The following DIAPH3 variants were observed in gnomAD, a reference collection of about 807,000 sequenced individuals.
DIAPH3 encodes diaphanous related formin 3.
Under a neutral mutation model 144.3 loss-of-function variants are expected in DIAPH3, and 117 were observed. The ratio of observed to expected loss-of-function variants is 0.81; its 90% CI spans 0.70 to 0.95. The LOEUF (loss-of-function observed/expected upper bound fraction) is 0.95, where lower values mean the gene tolerates loss of function less well. Ranked by LOEUF, DIAPH3 falls within the 40% of genes least tolerant of loss-of-function variation. The pLI, the probability that DIAPH3 is intolerant of heterozygous loss-of-function variation, is 0.00. For synonymous variants in DIAPH3, 519 were observed against 488.9 expected (o/e 1.06, Z -0.81); for missense variants, 1,421 against 1,412.7 (o/e 1.01, Z -0.09).
chr13:60,035,118 A>G (rs1328605374), intron 5 of DIAPH3, among the ~76,000 whole-genome samples: 1 of 152,150 alleles, frequency 6.6e-6, no homozygotes, highest in Admixed American at 6.6e-5. Flanking sequence ...TAAAAAATAG[A>G]TTTGGAGCAC....
chr13:59,715,000 C>T (rs2034978598), intron 27 of DIAPH3, among the ~76,000 whole-genome samples: 1 of 152,172 alleles, frequency 6.6e-6, no homozygotes, highest in Admixed American at 6.5e-5. Context: ...AGGGGCAGTA[C>T]TGACGTAGTT....
rs79464053 is a variant in DIAPH3 at position 59,780,634 on chromosome 13, T to C, written c.3164-5811A>G. ...AAAAATTGCACTGTGTCAAAGGAAATGGAGAAGGGAGAGTTAAGGACATTT... is the reference window on the plus strand; with the variant it reads ...AAAAATTGCACTGTGTCAAAGGAAACGGAGAAGGGAGAGTTAAGGACATTT... On this transcript the variant is annotated intron_variant, in intron 25 of 27. Coordinates refer to ENST00000400324, the MANE Select transcript of DIAPH3 (RefSeq NM_001042517.2). 2.3e-4 allele frequency among the ~76,000 whole-genome samples: 35 copies of C among 152,182 alleles called. No homozygotes were observed. The East Asian group carries it at 6.4e-3, about 28-fold the overall frequency.
intron 25 of DIAPH3, among the ~76,000 whole-genome samples, chr13:59,802,528 G>T (rs1593899590): frequency 7.0e-6 from 1 of 143,724 alleles, no homozygotes; most frequent in African/African-American, 2.6e-5. Context: ...TGGTCATTTT[G>T]CAAATGCATA....
At chr13:59,724,264 T>C (rs1414819074) in intron 27 of DIAPH3, among the ~76,000 whole-genome samples, 1 of 152,214 alleles carries the variant, frequency 6.6e-6, no homozygotes, top group Non-Finnish European at 1.5e-5. Context: ...TATGTTTTAT[T>C]TGGCAACCCT....
At chr13:60,132,531 A>G (rs1190049806) in intron 2 of DIAPH3, among the ~76,000 whole-genome samples, 4 of 152,172 alleles carry the variant, frequency 2.6e-5, no homozygotes, top group Non-Finnish European at 5.9e-5. Flanking sequence ...GTAGTAAGGC[A>G]TACCCGGTTC....
chr13:59,755,522 A>C (rs2037211531), intron 27 of DIAPH3, among the ~76,000 whole-genome samples: 1 of 152,166 alleles, frequency 6.6e-6, no homozygotes, highest in African/African-American at 2.4e-5. Context: ...TATACTCAAG[A>C]ACCAAAAACA....
chr13:59,830,217 G>C (rs2041699968), intron 24 of DIAPH3, among the ~76,000 whole-genome samples: 1 of 151,878 alleles, frequency 6.6e-6, no homozygotes, highest in Non-Finnish European at 1.5e-5. Flanking sequence ...TTTGTCAGGA[G>C]TTTTTGCCAA....
intron 21 of DIAPH3, among the ~76,000 whole-genome samples, chr13:59,870,266 G>A (rs1017718673): frequency 1.3e-5 from 2 of 151,540 alleles, no homozygotes; most frequent in Admixed American, 6.6e-5. Context: ...AAAATCAACT[G>A]ACTATATTTA....
intron 25 of DIAPH3, among the ~76,000 whole-genome samples, chr13:59,794,480 A>G (rs1008384579): frequency 1.3e-5 from 2 of 152,060 alleles, no homozygotes; most frequent in African/African-American, 4.8e-5. Flanking sequence ...TAGGATTCTT[A>G]TATAGCCTGT....
chr13:59,686,615 A>G (rs539486408), intron 27 of DIAPH3, among the ~76,000 whole-genome samples: 1 of 152,220 alleles, frequency 6.6e-6, no homozygotes, highest in South Asian at 2.1e-4. Context: ...CATTTTTAAC[A>G]TACTTATGTT....
intron 24 of DIAPH3, among the ~76,000 whole-genome samples, chr13:59,824,942 A>G (rs1409336714): frequency 6.6e-6 from 1 of 152,164 alleles, no homozygotes. Context: ...AGAAATAAAA[A>G]TGTATTCTAT....
At chr13:59,994,473 C>T (rs943641017) in intron 9 of DIAPH3, among the ~76,000 whole-genome samples, 3 of 151,790 alleles carry the variant, frequency 2.0e-5, no homozygotes, top group Admixed American at 6.6e-5. Context: ...CTAGAGATAT[C>T]GAGAAACGTT....
chr13:59,912,067 C>A lies in DIAPH3; in HGVS notation c.2266-231G>T, dbSNP rs142114661. 3.4e-3 allele frequency among the ~76,000 whole-genome samples: 513 copies of A among 152,150 alleles called. 3 individuals are homozygous for A. The highest frequency in any genetic ancestry group is 0.012 in the African/African-American group (489 of 41,506). ...ATATTCAAATCAAGCACTACTGAAACTGAATGTTTATTTGATTAGCTATAT... is the reference window on the plus strand; with the variant it reads ...ATATTCAAATCAAGCACTACTGAAAATGAATGTTTATTTGATTAGCTATAT... On this transcript the variant is annotated intron_variant, in intron 19 of 27. Coordinates refer to ENST00000400324, the MANE Select transcript of DIAPH3 (RefSeq NM_001042517.2).
At chr13:59,991,817 A>G (rs2051836988) in intron 11 of DIAPH3, among the ~76,000 whole-genome samples, 1 of 152,040 alleles carries the variant, frequency 6.6e-6, no homozygotes, top group South Asian at 2.1e-4. Flanking sequence ...ATAAAAAGAA[A>G]ACAAAATAGA....
At chr13:59,903,603 C>G (rs2046570969) in intron 20 of DIAPH3, among the ~76,000 whole-genome samples, 1 of 146,918 alleles carries the variant, frequency 6.8e-6, no homozygotes, top group Non-Finnish European at 1.5e-5. Flanking sequence ...GGTTTAAGTT[C>G]TATTCTTTAA....
At chr13:60,083,906 CA>C (rs1566751479) in intron 4 of DIAPH3, among the ~76,000 whole-genome samples, 13 of 125,266 alleles carry the variant, frequency 1.0e-4, no homozygotes. Flanking sequence ...TATGGATGGA[CA>C]GATGGATGGA....
chr13:60,138,440 G>A (rs1019890335), intron 1 of DIAPH3, among the ~76,000 whole-genome samples: 2 of 152,206 alleles, frequency 1.3e-5, no homozygotes, highest in Non-Finnish European at 2.9e-5. Flanking sequence ...CAAGCCACAT[G>A]AAGGGTATAG....
At chr13:60,031,278 C>A (rs1235370756) in intron 5 of DIAPH3, among the ~76,000 whole-genome samples, 2 of 152,058 alleles carry the variant, frequency 1.3e-5, no homozygotes, top group Non-Finnish European at 2.9e-5. Context: ...CAAGAACTCA[C>A]TCACTATCAC....
At position 59,695,094 on chromosome 13, in the gene DIAPH3, G is replaced by A. The variant is rs2033727922; in HGVS notation, c.3320-28248C>T. On this transcript the variant is annotated intron_variant, in intron 27 of 27. Coordinates refer to ENST00000400324, the MANE Select transcript of DIAPH3 (RefSeq NM_001042517.2). ...TTGAACCACTGCCATAGCTTCTAGT[G>A]CATATATTTTGTAGGTTACTAGTTA... 2.6e-5 allele frequency among the ~76,000 whole-genome samples: 4 copies of A among 152,126 alleles called. No homozygotes were observed. In the South Asian group the frequency reaches 8.3e-4, roughly 32 times the overall value.
Sources: gnomAD v4.1 joint callset for allele counts (sites outside exome capture counted in the v4.1 genomes callset) on GRCh38, gnomAD v4.1.1 for gene constraint, MANE v1.5 for transcripts, NCBI Gene and HGNC (gene_info 2026-07-23, HGNC 2026-07-21) for gene names.